RAD51B: variants seen among roughly 807,000 people sequenced by gnomAD.
RAD51B encodes RAD51 paralog B.
A neutral mutation model predicts 42.2 loss-of-function variants in RAD51B; 38 were observed. The ratio of observed to expected loss-of-function variants is 0.90; its 90% CI spans 0.70 to 1.18. The LOEUF (loss-of-function observed/expected upper bound fraction) is 1.18. Among genes scored for constraint, RAD51B ranks in the 50% most tolerant of loss-of-function variants. The pLI is 0.00. For missense variants in RAD51B, 373 were observed against 400.7 expected (o/e 0.93, Z 0.59); for synonymous variants, 154 against 145.2 (o/e 1.06, Z -0.43).
intron 10 of RAD51B, chr14:68,470,515 T>C: frequency 4.1e-6 from 2 of 489,846 alleles, no homozygotes; most frequent in Non-Finnish European, 4.1e-6. Flanking sequence ...GGGCCTTGCT[T>C]TTGTCAGCTG....
intron 7 of RAD51B, among the ~76,000 whole-genome samples, chr14:67,924,956 A>C (rs1056167787): frequency 6.6e-6 from 1 of 152,246 alleles, no homozygotes; most frequent in Non-Finnish European, 1.5e-5. Flanking sequence ...TACTTCCTAC[A>C]TACAGTGGGA....
intron 8 of RAD51B, among the ~76,000 whole-genome samples, chr14:68,394,710 G>T (rs1043508388): frequency 1.2e-4 from 18 of 152,224 alleles, no homozygotes; most frequent in African/African-American, 3.9e-4. Context: ...GGCTCCCCCA[G>T]TGGGTTTTGA....
intron 8 of RAD51B, among the ~76,000 whole-genome samples, chr14:68,357,071 T>G (rs893808385): frequency 2.0e-5 from 3 of 152,194 alleles, no homozygotes; most frequent in African/African-American, 4.8e-5. Flanking sequence ...TGTCATGCTG[T>G]TTGATAACAT....
chr14:68,427,131 G>A (rs914414035), intron 9 of RAD51B, among the ~76,000 whole-genome samples: 3 of 152,226 alleles, frequency 2.0e-5, no homozygotes, highest in Non-Finnish European at 4.4e-5. Flanking sequence ...AGATTTGAAA[G>A]GATATATTGG....
At chr14:67,853,593 C>A (rs1392420165) in intron 4 of RAD51B, among the ~76,000 whole-genome samples, 1 of 152,152 alleles carries the variant, frequency 6.6e-6, no homozygotes, top group African/African-American at 2.4e-5. Flanking sequence ...CTGCATTGCA[C>A]AGTCTTTGTT....
At chr14:68,419,105 A>G (rs936525451) in intron 9 of RAD51B, among the ~76,000 whole-genome samples, 1 of 152,202 alleles carries the variant, frequency 6.6e-6, no homozygotes, top group Non-Finnish European at 1.5e-5. Context: ...AGTTTTTAGC[A>G]AGCACTTTGG....
chr14:68,339,629 G>C (rs189804194), intron 8 of RAD51B: 22 of 220,494 alleles, frequency 1.0e-4, no homozygotes, highest in African/African-American at 5.1e-4. Context: ...TGATATTTTC[G>C]CCTTTAAAGA....
At chr14:68,640,264 T>G (rs1892430370) in intron 10 of RAD51B, among the ~76,000 whole-genome samples, 1 of 152,174 alleles carries the variant, frequency 6.6e-6, no homozygotes, top group African/African-American at 2.4e-5. Flanking sequence ...TGCAGCAATG[T>G]GAATATGGGC....
intron 7 of RAD51B, among the ~76,000 whole-genome samples, chr14:67,902,561 T>C (rs2043647370): frequency 6.6e-6 from 1 of 152,224 alleles, no homozygotes; most frequent in Admixed American, 6.5e-5. Flanking sequence ...TAACGACATC[T>C]GGCTTTTATA....
intron 10 of RAD51B, among the ~76,000 whole-genome samples, chr14:68,623,351 G>A (rs1891997982): frequency 6.6e-6 from 1 of 152,182 alleles, no homozygotes; most frequent in African/African-American, 2.4e-5. Context: ...TGTCCGTAAT[G>A]AACAGCAACA....
chr14:68,301,431 C>T (rs1398977277), intron 8 of RAD51B, among the ~76,000 whole-genome samples: 3 of 152,056 alleles, frequency 2.0e-5, no homozygotes, highest in Non-Finnish European at 4.4e-5. Context: ...AGGGGTGGAT[C>T]CAAGGCCAGC....
chr14:67,912,556 T>C (rs767079175), intron 7 of RAD51B, among the ~76,000 whole-genome samples: 3 of 152,158 alleles, frequency 2.0e-5, no homozygotes, highest in Non-Finnish European at 2.9e-5. Context: ...GAGCTCACTG[T>C]AATAGAATGC....
At chr14:68,556,104 CT>C (rs1230379913) in intron 10 of RAD51B, among the ~76,000 whole-genome samples, 2 of 152,194 alleles carry the variant, frequency 1.3e-5, no homozygotes, top group Non-Finnish European at 2.9e-5. Flanking sequence ...CTTTTTATTT[CT>C]TCTAATACCT....
chr14:68,586,934 G>A (rs565844691), intron 10 of RAD51B, among the ~76,000 whole-genome samples: 2 of 152,248 alleles, frequency 1.3e-5, no homozygotes, highest in Admixed American at 1.3e-4. Flanking sequence ...GAACCTAGGA[G>A]GCAGAGGTTG....
intron 7 of RAD51B, among the ~76,000 whole-genome samples, chr14:68,075,271 ATAC>A (rs1344177402): frequency 6.6e-6 from 1 of 152,144 alleles, no homozygotes; most frequent in Non-Finnish European, 1.5e-5. Flanking sequence ...TGGCTGTGGC[ATAC>A]TGGAGGTATG....
At chr14:68,434,183 G>A (rs949448469) in intron 9 of RAD51B, among the ~76,000 whole-genome samples, 3 of 152,152 alleles carry the variant, frequency 2.0e-5, no homozygotes, top group Admixed American at 6.5e-5. Context: ...TAAGCTACTC[G>A]GGGGTCAGGG....
intron 10 of RAD51B, among the ~76,000 whole-genome samples, chr14:68,624,253 A>C (rs1333590224): frequency 6.6e-6 from 1 of 152,174 alleles, no homozygotes; most frequent in Non-Finnish European, 1.5e-5. Context: ...CGATCACTTT[A>C]CATTGTGGGG....
intron 8 of RAD51B, among the ~76,000 whole-genome samples, chr14:68,399,192 C>T (rs2084013447): frequency 6.6e-6 from 1 of 151,888 alleles, no homozygotes; most frequent in Non-Finnish European, 1.5e-5. Flanking sequence ...AGAGTTCAAA[C>T]CTACAGAAAA....
At chr14:68,503,847 T>C (rs1885093487) in intron 10 of RAD51B, among the ~76,000 whole-genome samples, 1 of 152,224 alleles carries the variant, frequency 6.6e-6, no homozygotes. Flanking sequence ...AGGCGCTAAA[T>C]AAAATCCTGC....
Sources: gnomAD v4.1 joint callset for allele counts (sites outside exome capture counted in the v4.1 genomes callset) on GRCh38, gnomAD v4.1.1 for gene constraint, MANE v1.5 for transcripts, NCBI Gene and HGNC (gene_info 2026-07-23, HGNC 2026-07-21) for gene names.